Variants in NCAM2 observed in about 807,000 individuals in gnomAD.
NCAM2 encodes the protein neural cell adhesion molecule 2, also known as N-CAM-2.
NCAM2 carries 30 observed loss-of-function variants against 98.1 expected under a neutral mutation model. The observed-to-expected ratio is 0.31, with a 90% CI of 0.23 to 0.41. NCAM2 has a LOEUF of 0.41. Among genes scored for constraint, NCAM2 ranks in the 10% least tolerant of loss-of-function variants. The probability of loss-of-function intolerance (pLI) is 1.00; values close to 1 mark genes in which losing one functional copy is unlikely to be tolerated. For missense variants in NCAM2, 867 were observed against 1,005.8 expected (o/e 0.86, Z 1.87); for synonymous variants, 368 against 342.4 (o/e 1.07, Z -0.83).
At chr21:21,152,236 TA>T (rs2067469700) in intron 1 of NCAM2, among the ~76,000 whole-genome samples, 1 of 152,092 alleles carries the variant, frequency 6.6e-6, no homozygotes, top group South Asian at 2.1e-4. Context: ...GCATTTAATT[TA>T]GATTTTGTAC....
At chr21:21,523,732 T>C (rs1159002570) in intron 16 of NCAM2, among the ~76,000 whole-genome samples, 1 of 151,992 alleles carries the variant, frequency 6.6e-6, no homozygotes, top group Admixed American at 6.6e-5. Flanking sequence ...TTCAGTTCAT[T>C]GTAAATGTAT....
At chr21:21,008,392 G>A (rs566985157) in intron 1 of NCAM2, among the ~76,000 whole-genome samples, 2 of 152,078 alleles carry the variant, frequency 1.3e-5, no homozygotes, top group African/African-American at 2.4e-5. Context: ...ATGTATATAC[G>A]ATATGTTGTG....
chr21:21,033,137 G>C (rs1434963938), intron 1 of NCAM2, among the ~76,000 whole-genome samples: 1 of 152,056 alleles, frequency 6.6e-6, no homozygotes, highest in Non-Finnish European at 1.5e-5. Context: ...TTTTAGTAGA[G>C]ACGGGGTTTC....
chr21:21,190,174 G>A (rs2068773943), intron 1 of NCAM2, among the ~76,000 whole-genome samples: 1 of 152,232 alleles, frequency 6.6e-6, no homozygotes, highest in Non-Finnish European at 1.5e-5. Context: ...CCAGGCAGAA[G>A]TGGGGGAGAA....
At chr21:21,144,350 GAAA>G (rs71195305) in intron 1 of NCAM2, among the ~76,000 whole-genome samples, 7 of 145,168 alleles carry the variant, frequency 4.8e-5, no homozygotes, top group African/African-American at 1.8e-4. Context: ...ATCTCAAAAA[GAAA>G]AAAAAAAAAA....
At chr21:21,248,120 A>AT (rs1228830591) in intron 1 of NCAM2, among the ~76,000 whole-genome samples, 2 of 14,276 alleles carry the variant, frequency 1.4e-4, no homozygotes, top group African/African-American at 1.5e-4. Context: ...CTCTACATGT[A>AT]TATGGAATTC....
intron 1 of NCAM2, among the ~76,000 whole-genome samples, chr21:21,138,895 G>A (rs866056535): frequency 4.6e-5 from 7 of 151,930 alleles, no homozygotes; most frequent in Admixed American, 2.6e-4. Flanking sequence ...GTAATTTTTT[G>A]TCATACATAT....
At chr21:21,410,195 T>A in intron 9 of NCAM2, 79 bp from the exon 10 acceptor site, 2 of 766,070 alleles carry the variant, frequency 2.6e-6, no homozygotes, top group Non-Finnish European at 1.9e-6. Context: ...ACAGTAGAAA[T>A]AACTAATGCT....
At chr21:21,350,759 T>C (rs2075312114) in intron 8 of NCAM2, among the ~76,000 whole-genome samples, 2 of 152,088 alleles carry the variant, frequency 1.3e-5, no homozygotes, top group African/African-American at 2.4e-5. Flanking sequence ...ATTTCAGATA[T>C]ACATATAAGC....
intron 1 of NCAM2, among the ~76,000 whole-genome samples, chr21:21,085,805 T>G (rs1480225232): frequency 6.6e-6 from 1 of 152,202 alleles, no homozygotes. Flanking sequence ...ATTCAGCATA[T>G]TATCTGCCTA....
chr21:21,229,972 G>A (rs1428204258), intron 1 of NCAM2, among the ~76,000 whole-genome samples: 2 of 151,208 alleles, frequency 1.3e-5, no homozygotes, highest in Non-Finnish European at 3.0e-5. Flanking sequence ...ATATGCACAA[G>A]AACTGTTCTA....
chr21:21,355,336 G>A (rs1378104393), intron 8 of NCAM2, among the ~76,000 whole-genome samples: 1 of 151,156 alleles, frequency 6.6e-6, no homozygotes, highest in Non-Finnish European at 1.5e-5. Flanking sequence ...TCGGGACGGG[G>A]CCGGGAAAAG....
intron 1 of NCAM2, among the ~76,000 whole-genome samples, chr21:21,079,703 A>G (rs187200071): frequency 6.6e-6 from 1 of 151,940 alleles, no homozygotes; most frequent in Non-Finnish European, 1.5e-5. Context: ...TCTCCTTCAC[A>G]TTATCACTGG....
At chr21:21,473,518 G>A (rs1984751753) in intron 14 of NCAM2, among the ~76,000 whole-genome samples, 1 of 151,062 alleles carries the variant, frequency 6.6e-6, no homozygotes, top group Admixed American at 6.6e-5. Flanking sequence ...TGCTACCAGG[G>A]AATCCAGGAA....
intron 1 of NCAM2, among the ~76,000 whole-genome samples, chr21:21,046,049 A>AC (rs2065002566): frequency 1.3e-5 from 2 of 152,184 alleles, no homozygotes; most frequent in African/African-American, 4.8e-5. Context: ...GCCTAGTAAA[A>AC]GGCTTATGAT....
At chr21:21,182,492 C>A (rs1404594557) in intron 1 of NCAM2, among the ~76,000 whole-genome samples, 3 of 152,104 alleles carry the variant, frequency 2.0e-5, no homozygotes, top group African/African-American at 2.4e-5. Flanking sequence ...TCTTAAGTTG[C>A]AGAGGCAGTA....
At chr21:21,410,564 G>C (rs2076836402) in intron 10 of NCAM2, 103 bp downstream of exon 10, 2 of 589,218 alleles carry the variant, frequency 3.4e-6, no homozygotes, top group South Asian at 5.0e-5. Flanking sequence ...TATATAATAA[G>C]AGAGAGAAAT....
chr21:21,387,802 G>C (rs1194411116), intron 9 of NCAM2, among the ~76,000 whole-genome samples: 1 of 152,124 alleles, frequency 6.6e-6, no homozygotes, highest in South Asian at 2.1e-4. Flanking sequence ...AAACACCCCT[G>C]CTTTCATGGA....
At chr21:21,445,662 C>CTTT (rs1005431861) in intron 12 of NCAM2, among the ~76,000 whole-genome samples, 1 of 148,770 alleles carries the variant, frequency 6.7e-6, no homozygotes, top group African/African-American at 2.5e-5. Context: ...ACAACTCCTG[C>CTTT]TTTTTTTTTT....
Sources: allele counts gnomAD v4.1 joint callset (sites outside exome capture counted in the v4.1 genomes callset), GRCh38; gene constraint gnomAD v4.1.1; transcripts MANE v1.5; gene names NCBI Gene and HGNC (gene_info 2026-07-23, HGNC 2026-07-21).